LRRTM4: variants seen among roughly 807,000 people sequenced by gnomAD.
LRRTM4 encodes the protein leucine rich repeat transmembrane neuronal 4.
Under a neutral mutation model 47.6 loss-of-function variants are expected in LRRTM4, and 25 were observed. That is an observed-to-expected ratio of 0.53 (90% CI 0.38 to 0.73). The LOEUF (loss-of-function observed/expected upper bound fraction) is 0.73. LRRTM4 is among the 30% of genes least tolerant of loss of function. The pLI is 0.00. For synonymous variants in LRRTM4, 311 were observed against 269.5 expected, an observed-to-expected ratio of 1.15 and a Z score of -1.51; for missense variants, 638 against 713.4, an observed-to-expected ratio of 0.89 and a Z score of 1.20.
At chr2:77,222,136 CA>C (rs1173842850) in intron 3 of LRRTM4, among the ~76,000 whole-genome samples, 2 of 152,036 alleles carry the variant, frequency 1.3e-5, no homozygotes, top group African/African-American at 4.8e-5. Flanking sequence ...AAGGCAGAAA[CA>C]AAGATGTTCT....
At chr2:77,136,931 G>A (rs992992389) in intron 3 of LRRTM4, among the ~76,000 whole-genome samples, 1 of 151,802 alleles carries the variant, frequency 6.6e-6, no homozygotes, top group Non-Finnish European at 1.5e-5. Flanking sequence ...AGAGAAAAAA[G>A]AGTCAAAAGA....
At chr2:77,012,095 G>A (rs1377746912) in intron 3 of LRRTM4, among the ~76,000 whole-genome samples, 2 of 151,980 alleles carry the variant, frequency 1.3e-5, no homozygotes, top group Non-Finnish European at 1.5e-5. Flanking sequence ...AATGTTGTCT[G>A]TGGCCAATGC....
rs528116279 is a variant in LRRTM4 at position 77,090,177 on chromosome 2, C to T, written c.1552-341261G>A. 3.9e-4 allele frequency among the ~76,000 whole-genome samples: 59 copies of T among 152,286 alleles called. 1 individual carries two copies. The South Asian group carries it at 0.012, about 31-fold the overall frequency. On this transcript the variant is annotated intron_variant, in intron 3 of 3. Transcript: ENST00000409884. ...TCTGGCTTACAGTTTCGTTCCGTGACTAGCCCTCCCCGTCCTGCCCAGCAA... is the reference window on the plus strand; with the variant it reads ...TCTGGCTTACAGTTTCGTTCCGTGATTAGCCCTCCCCGTCCTGCCCAGCAA...
chr2:76,794,451 G>C (rs1675150843), intron 3 of LRRTM4, among the ~76,000 whole-genome samples: 1 of 152,098 alleles, frequency 6.6e-6, no homozygotes, highest in Non-Finnish European at 1.5e-5. Context: ...TGTTATAGTT[G>C]TGAACAATAG....
intron 3 of LRRTM4, among the ~76,000 whole-genome samples, chr2:77,222,318 C>T (rs914170358): frequency 3.2e-4 from 49 of 152,228 alleles, no homozygotes; most frequent in African/African-American, 1.2e-3. Flanking sequence ...AGAGCAAACA[C>T]ATTCAAAAGC....
intron 3 of LRRTM4, among the ~76,000 whole-genome samples, chr2:77,179,532 C>G (rs1331621126): frequency 6.6e-6 from 1 of 151,924 alleles, no homozygotes; most frequent in Non-Finnish European, 1.5e-5. Flanking sequence ...ACTTGTCGTT[C>G]GTCAGTATTT....
At chr2:77,150,900 T>C (rs935616347) in intron 3 of LRRTM4, among the ~76,000 whole-genome samples, 2 of 152,216 alleles carry the variant, frequency 1.3e-5, no homozygotes, top group African/African-American at 4.8e-5. Flanking sequence ...TATTTCTCCA[T>C]CATTAATTTA....
intron 3 of LRRTM4, among the ~76,000 whole-genome samples, chr2:76,804,444 A>G (rs1675858969): frequency 6.6e-6 from 1 of 151,870 alleles, no homozygotes; most frequent in South Asian, 2.1e-4. Context: ...GAGATTATTC[A>G]CCATACAGGA....
intron 3 of LRRTM4, among the ~76,000 whole-genome samples, chr2:76,827,479 C>T (rs541302587): frequency 2.6e-5 from 4 of 151,916 alleles, no homozygotes; most frequent in East Asian, 3.9e-4. Flanking sequence ...CCTGTGAATG[C>T]AACTCAGATT....
chr2:76,830,768 A>T (rs1463711355), intron 3 of LRRTM4, among the ~76,000 whole-genome samples: 1 of 152,062 alleles, frequency 6.6e-6, no homozygotes, highest in Non-Finnish European at 1.5e-5. Context: ...TTATTTTAAA[A>T]AGGTAAAAAT....
intron 3 of LRRTM4, among the ~76,000 whole-genome samples, chr2:76,950,643 A>G (rs1675464353): frequency 6.6e-6 from 1 of 151,992 alleles, no homozygotes; most frequent in Non-Finnish European, 1.5e-5. Flanking sequence ...AATAGATTTT[A>G]CAAACAGTTG....
chr2:77,379,136 C>A (rs888771579), intron 3 of LRRTM4, among the ~76,000 whole-genome samples: 1 of 151,746 alleles, frequency 6.6e-6, no homozygotes, highest in Admixed American at 6.6e-5. Flanking sequence ...ATATGTATTT[C>A]TTTCAAGAGT....
intron 3 of LRRTM4, among the ~76,000 whole-genome samples, chr2:76,756,624 T>G (rs932641313): frequency 1.3e-5 from 2 of 152,176 alleles, no homozygotes; most frequent in Admixed American, 1.3e-4. Flanking sequence ...CCTTCACCTG[T>G]AGCAGTTTTT....
chr2:76,869,943 A>G (rs1403371708), intron 3 of LRRTM4, among the ~76,000 whole-genome samples: 2 of 152,162 alleles, frequency 1.3e-5, no homozygotes, highest in Non-Finnish European at 2.9e-5. Context: ...GAATGATAGT[A>G]TAAGTCATTT....
At chr2:76,812,376 T>A (rs1558670449) in intron 3 of LRRTM4, among the ~76,000 whole-genome samples, 1 of 152,164 alleles carries the variant, frequency 6.6e-6, no homozygotes, top group Non-Finnish European at 1.5e-5. Flanking sequence ...AATGAAATGC[T>A]CTCTGAGAAG....
At chr2:77,310,112 G>C (rs1025860497) in intron 3 of LRRTM4, among the ~76,000 whole-genome samples, 1 of 152,000 alleles carries the variant, frequency 6.6e-6, no homozygotes, top group Non-Finnish European at 1.5e-5. Context: ...TCATGAGTTA[G>C]TACTAAGTGA....
chr2:77,291,628 C>T (rs1676824079), intron 3 of LRRTM4, among the ~76,000 whole-genome samples: 1 of 151,976 alleles, frequency 6.6e-6, no homozygotes, highest in African/African-American at 2.4e-5. Flanking sequence ...GATAAAATTG[C>T]TTGAGAAAAG....
chr2:76,771,611 G>A (rs115839898), intron 3 of LRRTM4, among the ~76,000 whole-genome samples: 1,621 of 149,468 alleles, frequency 0.011, 33 homozygotes, highest in African/African-American at 0.039. Flanking sequence ...AAGACTGCGT[G>A]CTGTACCTCA....
chr2:76,975,578 A>C (rs1044468467), intron 3 of LRRTM4, among the ~76,000 whole-genome samples: 9 of 151,718 alleles, frequency 5.9e-5, no homozygotes, highest in African/African-American at 2.2e-4. Context: ...CTGTGGCTCC[A>C]TATGTTCAAA....
Sources: gnomAD v4.1 joint callset for allele counts (sites outside exome capture counted in the v4.1 genomes callset) on GRCh38, gnomAD v4.1.1 for gene constraint, MANE v1.5 for transcripts, NCBI Gene and HGNC (gene_info 2026-07-23, HGNC 2026-07-21) for gene names.